The following DCBLD2 variants were observed in gnomAD, a reference collection of about 807,000 sequenced individuals.
The protein encoded by DCBLD2 is discoidin, CUB and LCCL domain containing 2.
In DCBLD2, 54 loss-of-function variants were observed where a neutral mutation model predicts 86.8. That is an observed-to-expected ratio of 0.62 (90% CI 0.50 to 0.78). The LOEUF is 0.78. DCBLD2 is among the 30% of genes least tolerant of loss of function. DCBLD2 has a pLI of 0.00. For synonymous variants in DCBLD2, 354 were observed against 341.3 expected (o/e 1.04, Z -0.41); for missense variants, 908 against 954.2 (o/e 0.95, Z 0.64).
chr3:98,877,807 G>T (rs971075148), intron 2 of DCBLD2, among the ~76,000 whole-genome samples: 2 of 152,070 alleles, frequency 1.3e-5, no homozygotes, highest in Non-Finnish European at 2.9e-5. Flanking sequence ...TCCTGTGCCA[G>T]AATATAAAGA....
rs1335313200 is a variant in DCBLD2, at chr3:98,875,279, T to C, written c.433+6261A>G. ...ACATAATTAGGAACCCGTTACAGGA[T>C]ATAACAGCAAAACAAAAACACCTCC... On this transcript the variant is annotated intron_variant, in intron 2 of 15. Transcript: ENST00000326840. Among the ~76,000 whole-genome samples, 3 of 152,108 alleles carry C rather than the reference T, an allele frequency of 2.0e-5. No homozygotes were observed. In the East Asian group the frequency reaches 5.8e-4, roughly 29 times the overall value.
At chr3:98,803,500 TTTG>T (rs1230562409) in intron 13 of DCBLD2, among the ~76,000 whole-genome samples, 1 of 152,270 alleles carries the variant, frequency 6.6e-6, no homozygotes, top group Non-Finnish European at 1.5e-5. Flanking sequence ...ACAGGGAAAA[TTTG>T]ACTTCCTCTT....
At chr3:98,833,637 C>T (rs1942365627) in intron 3 of DCBLD2, among the ~76,000 whole-genome samples, 1 of 152,182 alleles carries the variant, frequency 6.6e-6, no homozygotes, top group South Asian at 2.1e-4. Context: ...GCTGGAGTCC[C>T]AGGTCAGGCA....
chr3:98,810,555 G>A (rs1302099713), intron 12 of DCBLD2, among the ~76,000 whole-genome samples: 1 of 152,002 alleles, frequency 6.6e-6, no homozygotes, highest in Non-Finnish European at 1.5e-5. Context: ...ACACTTTTTT[G>A]AATTCAATTG....
intron 9 of DCBLD2, chr3:98,816,253 A>C (rs942623101): frequency 1.1e-4 from 17 of 151,572 alleles, no homozygotes; most frequent in African/African-American, 4.1e-4. Flanking sequence ...AAAAAAAAAA[A>C]AAACCAAAAA....
At chr3:98,849,182 A>C (rs1390648274) in intron 3 of DCBLD2, among the ~76,000 whole-genome samples, 1 of 151,984 alleles carries the variant, frequency 6.6e-6, no homozygotes, top group Admixed American at 6.5e-5. Context: ...AAAAAAAAAA[A>C]AGTTATTATA....
chr3:98,804,456 G>A (rs1423260563), intron 13 of DCBLD2, among the ~76,000 whole-genome samples: 1 of 151,738 alleles, frequency 6.6e-6, no homozygotes, highest in African/African-American at 2.4e-5. Flanking sequence ...TATTAGTCTT[G>A]CTAGCAGTCT....
At chr3:98,822,842 G>T in intron 4 of DCBLD2, 101 bp from the exon 5 acceptor site, 1 of 974,462 alleles carries the variant, frequency 1.0e-6, no homozygotes, top group Non-Finnish European at 1.5e-6. Flanking sequence ...AGTTCAAGGT[G>T]AATACCATAA....
At chr3:98,833,963 G>A (rs1321472807) in intron 3 of DCBLD2, among the ~76,000 whole-genome samples, 4 of 152,152 alleles carry the variant, frequency 2.6e-5, no homozygotes, top group Admixed American at 6.5e-5. Flanking sequence ...GTAAGAAACA[G>A]TCTGGCCACT....
At chr3:98,819,496 T>A in intron 7 of DCBLD2, 79 bp from the exon 8 acceptor site, 1 of 1,426,618 alleles carries the variant, frequency 7.0e-7, no homozygotes, top group South Asian at 1.2e-5. Flanking sequence ...GAAAACTTTC[T>A]ATTCCATCTT....
intron 1 of DCBLD2, among the ~76,000 whole-genome samples, chr3:98,894,657 A>C (rs545958717): frequency 7.2e-4 from 110 of 152,238 alleles, no homozygotes; most frequent in African/African-American, 2.3e-3. Flanking sequence ...GCAAACAGGT[A>C]GTAAGGGTCA....
chr3:98,838,727 A>T (rs1035782930), intron 3 of DCBLD2, among the ~76,000 whole-genome samples: 6 of 152,078 alleles, frequency 3.9e-5, no homozygotes, highest in Non-Finnish European at 7.4e-5. Flanking sequence ...GCGAGCCAAG[A>T]TCACGCCACT....
intron 3 of DCBLD2, among the ~76,000 whole-genome samples, chr3:98,841,007 T>C (rs1432260338): frequency 6.6e-6 from 1 of 152,200 alleles, no homozygotes; most frequent in Admixed American, 6.5e-5. Flanking sequence ...TTTTTCTGTA[T>C]AGCCCCCAAA....
At chr3:98,888,953 C>A (rs1943609005) in intron 1 of DCBLD2, among the ~76,000 whole-genome samples, 1 of 151,954 alleles carries the variant, frequency 6.6e-6, no homozygotes, top group South Asian at 2.1e-4. Flanking sequence ...GTCTCCTGAC[C>A]TCTCAGCTCT....
intron 13 of DCBLD2, chr3:98,805,034 ATCT>A (rs1365575012): frequency 1.3e-5 from 2 of 152,336 alleles, no homozygotes; most frequent in African/African-American, 2.4e-5. Flanking sequence ...GGCCATGCTA[ATCT>A]TCTCTGTGTC....
intron 1 of DCBLD2, among the ~76,000 whole-genome samples, chr3:98,887,450 T>C (rs554554188): frequency 7.2e-5 from 11 of 152,034 alleles, no homozygotes; most frequent in East Asian, 1.9e-4. Context: ...GTTTGTTAAG[T>C]TGCATCACTA....
chr3:98,858,488 A>G (rs954696114), intron 2 of DCBLD2, among the ~76,000 whole-genome samples: 12 of 152,384 alleles, frequency 7.9e-5, no homozygotes, highest in African/African-American at 9.6e-5. Context: ...GTCACCTCTC[A>G]TAAGTATTAA....
At chr3:98,881,483 AATACATCATTGAGACAATGATGTATT>A in intron 2 of DCBLD2, 31 bp downstream of exon 2, 1 of 1,470,972 alleles carries the variant, frequency 6.8e-7, no homozygotes, top group African/African-American at 1.4e-5. Context: ...ATATCAAAAA[AATACATCATTGAGACAATGATGTATT>A]TACATGTACA....
Position 98,881,668 on chromosome 3 carries a change from T to A in DCBLD2, c.305A>T (p.Glu102Val). Residue 102 changes from glutamate to valine, a missense_variant, in exon 2 of 16, where the codon GAG (glutamate) becomes GTG (valine). Glu to Val is a moderately radical substitution (Grantham distance 121). Transcript: ENST00000326840. Reference protein sequence around the residue: ...TYPNSTVCEWEIRVKMGERVR... With the variant: ...TYPNSTVCEWVIRVKMGERVR... ...TCTCTCTCCCATCTTTACACGGATC[T>A]CCCATTCACAAACAGTGCTGTTGGG... is the stretch of plus-strand genomic sequence containing the variant. 1 of 1,613,940 alleles carries A rather than the reference T, an allele frequency of 6.2e-7. No homozygotes were observed.
Sources: allele counts gnomAD v4.1 joint callset (sites outside exome capture counted in the v4.1 genomes callset), GRCh38; gene constraint gnomAD v4.1.1; transcripts MANE v1.5; gene names NCBI Gene and HGNC (gene_info 2026-07-23, HGNC 2026-07-21).